The following GAS7 variants were observed in gnomAD, a reference collection of about 807,000 sequenced individuals.
GAS7 encodes the protein growth arrest-specific protein 7.
Under a neutral mutation model 71.1 loss-of-function variants are expected in GAS7, and 28 were observed. That is an observed-to-expected ratio of 0.39 (90% CI 0.29 to 0.54). The LOEUF (loss-of-function observed/expected upper bound fraction) is 0.54. Among genes scored for constraint, GAS7 ranks in the 20% least tolerant of loss-of-function variants. The pLI, the probability that GAS7 is intolerant of heterozygous loss-of-function variation, is 0.62. For missense variants in GAS7, 436 were observed against 627.8 expected (o/e 0.69, Z 3.27); for synonymous variants, 258 against 245.8 (o/e 1.05, Z -0.46).
chr17:10,037,210 C>A (rs2072770337), intron 1 of GAS7, among the ~76,000 whole-genome samples: 1 of 152,170 alleles, frequency 6.6e-6, no homozygotes, highest in South Asian at 2.1e-4. Context: ...CTGAAAGGGG[C>A]CTGAGGATCA....
intron 1 of GAS7, chr17:10,036,793 C>T: frequency 2.7e-6 from 3 of 1,122,834 alleles, no homozygotes; most frequent in Non-Finnish European, 3.3e-6. Flanking sequence ...TCCCCTTTCT[C>T]AGCTAAAAAA....
intron 1 of GAS7, among the ~76,000 whole-genome samples, chr17:10,152,243 A>G (rs1450233262): frequency 1.3e-5 from 2 of 152,340 alleles, no homozygotes; most frequent in East Asian, 1.9e-4. Flanking sequence ...AAGTTCCCCG[A>G]AAAGATGGGA....
At chr17:10,093,826 T>A (rs1440211298) in intron 1 of GAS7, among the ~76,000 whole-genome samples, 3 of 152,214 alleles carry the variant, frequency 2.0e-5, no homozygotes, top group Non-Finnish European at 4.4e-5. Context: ...TACTATGTAT[T>A]TCATCTACTA....
At position 9,975,258 on chromosome 17, in the gene GAS7, G is replaced by C. The variant is rs145704689; in HGVS notation, c.386-5496C>G. Among the ~76,000 whole-genome samples, 717 of 152,292 alleles carry C rather than the reference G, an allele frequency of 4.7e-3. 3 individuals are homozygous for C. Among genetic ancestry groups the C allele is most frequent in the African/African-American group, 0.016 (685 of 41,552 alleles). On this transcript the variant is annotated intron_variant, in intron 3 of 13. Coordinates refer to ENST00000432992, the MANE Select transcript of GAS7 (RefSeq NM_201433.2). ...TAATCCCAGCTGCTTGGGAGGCTGT[G>C]GCAGGAGAATTGCTTGAACCCGGGA... is the stretch of plus-strand genomic sequence containing the variant.
intron 1 of GAS7, among the ~76,000 whole-genome samples, chr17:10,174,620 A>G: frequency 6.6e-6 from 1 of 151,918 alleles, no homozygotes; most frequent in African/African-American, 2.4e-5. Flanking sequence ...TGAACCCAGG[A>G]GGCGGAGCTT....
chr17:10,115,503 A>G (rs1438825809), intron 1 of GAS7, among the ~76,000 whole-genome samples: 1 of 152,310 alleles, frequency 6.6e-6, no homozygotes, highest in East Asian at 1.9e-4. Context: ...CACCCTTTAC[A>G]GGCTGCAGCT....
chr17:10,096,021 C>A (rs2073638165), intron 1 of GAS7, among the ~76,000 whole-genome samples: 1 of 152,112 alleles, frequency 6.6e-6, no homozygotes, highest in African/African-American at 2.4e-5. Context: ...CCTGGTCCTG[C>A]TTTCTCCCCC....
intron 4 of GAS7, among the ~76,000 whole-genome samples, chr17:9,967,220 G>C (rs1225651103): frequency 6.7e-6 from 1 of 149,582 alleles, no homozygotes; most frequent in Non-Finnish European, 1.5e-5. Flanking sequence ...TTCTATAAAA[G>C]TAAAATGTGT....
At chr17:10,016,814 G>A (rs1243018368) in intron 2 of GAS7, among the ~76,000 whole-genome samples, 1 of 149,726 alleles carries the variant, frequency 6.7e-6, no homozygotes, top group Non-Finnish European at 1.5e-5. Context: ...GCCAGGTGTG[G>A]TGGCACATGC....
chr17:10,133,296 T>C (rs550800965), intron 1 of GAS7, among the ~76,000 whole-genome samples: 1 of 152,102 alleles, frequency 6.6e-6, no homozygotes, highest in African/African-American at 2.4e-5. Context: ...CTAAACTTTG[T>C]ATTTTTGGTA....
chr17:10,150,591 C>CTTTTTTTTTTTT lies in GAS7; in HGVS notation c.183+47605_183+47616dup, dbSNP rs3051271. 7.6e-4 allele frequency among the ~76,000 whole-genome samples: 90 copies of CTTTTTTTTTTTT among 118,728 alleles called. 6 individuals carry two copies. Among genetic ancestry groups the CTTTTTTTTTTTT allele is most frequent in the African/African-American group, 9.3e-4 (27 of 29,128 alleles). 77.9% of individuals were successfully genotyped at this position (118,728 alleles called of 152,430 possible). Reference sequence around the variant, plus strand: ...ACTCAGTAATGAGGCTGTTACATTTCTTTTTTTTTTTTTTTTAGACAGGGT... The same window carrying CTTTTTTTTTTTT: ...ACTCAGTAATGAGGCTGTTACATTTCTTTTTTTTTTTTTTTTTTTTTTTTTTTTAGACAGGGT... On this transcript the variant is annotated intron_variant, in intron 1 of 13. Transcript: ENST00000432992.
chr17:9,960,350 C>T (rs1369874161), intron 4 of GAS7, among the ~76,000 whole-genome samples: 1 of 152,124 alleles, frequency 6.6e-6, no homozygotes, highest in South Asian at 2.1e-4. Context: ...CCAGCACGCC[C>T]AGCTAATTTT....
chr17:10,164,272 T>C (rs1041221399), intron 1 of GAS7, among the ~76,000 whole-genome samples: 4 of 151,812 alleles, frequency 2.6e-5, no homozygotes, highest in African/African-American at 7.3e-5. Flanking sequence ...TGAAACCCCA[T>C]TTCTACTAAA....
chr17:10,154,472 C>G (rs1304393296), intron 1 of GAS7, among the ~76,000 whole-genome samples: 2 of 151,862 alleles, frequency 1.3e-5, no homozygotes, highest in Admixed American at 6.6e-5. Flanking sequence ...CCACTGCACT[C>G]CAGCTTAGAT....
At chr17:10,030,530 A>T (rs2072591276) in intron 1 of GAS7, among the ~76,000 whole-genome samples, 1 of 152,238 alleles carries the variant, frequency 6.6e-6, no homozygotes, top group African/African-American at 2.4e-5. Flanking sequence ...AGAAGCCACA[A>T]GAGCCAGGAG....
chr17:10,068,006 C>T (rs1230060431), intron 1 of GAS7, among the ~76,000 whole-genome samples: 6 of 152,194 alleles, frequency 3.9e-5, no homozygotes, highest in African/African-American at 1.4e-4. Flanking sequence ...ATGGTCTCTA[C>T]CTTGGTCATT....
At chr17:10,160,215 C>T (rs1006599747) in intron 1 of GAS7, among the ~76,000 whole-genome samples, 4 of 151,980 alleles carry the variant, frequency 2.6e-5, no homozygotes, top group African/African-American at 7.3e-5. Context: ...CAGGTATGAC[C>T]GTTCTTCTGT....
intron 1 of GAS7, among the ~76,000 whole-genome samples, chr17:10,044,854 A>G (rs2072925573): frequency 6.6e-6 from 1 of 152,006 alleles, no homozygotes. Context: ...GGAGATGGAG[A>G]CCATCCTGGC....
At chr17:10,161,835 C>T (rs1331369384) in intron 1 of GAS7, among the ~76,000 whole-genome samples, 2 of 152,064 alleles carry the variant, frequency 1.3e-5, no homozygotes, top group African/African-American at 2.4e-5. Flanking sequence ...GAGGCCGAGG[C>T]GGGCGGATCA....
Sources: gnomAD v4.1 joint callset for allele counts (sites outside exome capture counted in the v4.1 genomes callset) on GRCh38, gnomAD v4.1.1 for gene constraint, MANE v1.5 for transcripts, NCBI Gene and HGNC (gene_info 2026-07-23, HGNC 2026-07-21) for gene names.